FCHSD2: variants seen among roughly 807,000 people sequenced by gnomAD.
FCHSD2 encodes F-BAR and double SH3 domains protein 2.
FCHSD2 carries 38 observed loss-of-function variants against 108.1 expected under a neutral mutation model. The ratio of observed to expected loss-of-function variants is 0.35; its 90% CI spans 0.27 to 0.46. The LOEUF (loss-of-function observed/expected upper bound fraction) is 0.46, where lower values mean the gene tolerates loss of function less well. Ranked by LOEUF, FCHSD2 falls within the 20% of genes least tolerant of loss-of-function variation. The probability of loss-of-function intolerance (pLI) is 1.00; values close to 1 mark genes in which losing one functional copy is unlikely to be tolerated. For synonymous variants in FCHSD2, 279 were observed against 314.7 expected, an observed-to-expected ratio of 0.89 and a Z score of 1.20; for missense variants, 751 against 897.8, an observed-to-expected ratio of 0.84 and a Z score of 2.09.
chr11:72,884,231 T>C (rs1483059635), intron 12 of FCHSD2, among the ~76,000 whole-genome samples: 1 of 152,108 alleles, frequency 6.6e-6, no homozygotes, highest in Non-Finnish European at 1.5e-5. Flanking sequence ...TAACTTCCAT[T>C]TTATACAACA....
At chr11:73,044,846 G>A (rs1219232148) in intron 3 of FCHSD2, among the ~76,000 whole-genome samples, 2 of 152,112 alleles carry the variant, frequency 1.3e-5, no homozygotes, top group Non-Finnish European at 2.9e-5. Flanking sequence ...CGAGGCAGGT[G>A]GATCACGAGG....
At chr11:72,881,994 A>T (rs909403239) in intron 12 of FCHSD2, among the ~76,000 whole-genome samples, 1 of 151,890 alleles carries the variant, frequency 6.6e-6, no homozygotes. Context: ...ACAAAAACAA[A>T]ATTAGCTGGG....
Position 73,141,956 on chromosome 11 carries a change from G to C in FCHSD2, c.-79C>G. ...GGAGGAGGAGGGCCGGAGAGGAGGG[G>C]ACGGCCCAGCGAGCGCGCGCGTGTG... On this transcript the variant is annotated 5_prime_UTR_variant, in exon 1 of 20. Coordinates refer to ENST00000409418, the MANE Select transcript of FCHSD2 (RefSeq NM_014824.3). 1 of 1,413,802 alleles carries C rather than the reference G, an allele frequency of 7.1e-7. No individual in the cohort carries two copies. Among genetic ancestry groups the C allele is most frequent in the Non-Finnish European group, 9.6e-7 (1 of 1,042,982 alleles). 87.6% of individuals were successfully genotyped at this position (1,413,802 alleles called of 1,614,324 possible).
intron 2 of FCHSD2, among the ~76,000 whole-genome samples, chr11:73,099,666 G>C (rs754086080): frequency 3.9e-5 from 6 of 152,210 alleles, no homozygotes; most frequent in Non-Finnish European, 7.3e-5. Flanking sequence ...GAGCAGTCAG[G>C]CGTTAGGCTT....
rs141870443 is a variant in FCHSD2 at position 72,883,111 on chromosome 11, A to G, written c.1146+4359T>C. ...ACTGGCTATCTGTATAGGAAAAAACAAAACAAAACAACAACAAAAAAACCA... is the reference window on the plus strand; with the variant it reads ...ACTGGCTATCTGTATAGGAAAAAACGAAACAAAACAACAACAAAAAAACCA... On this transcript the variant is annotated intron_variant, in intron 12 of 19. Transcript: ENST00000409418. 9.2e-3 allele frequency among the ~76,000 whole-genome samples: 1,396 copies of G among 152,332 alleles called. 21 individuals are homozygous for G. The highest frequency in any genetic ancestry group is 0.031 in the African/African-American group (1,271 of 41,582).
At chr11:73,021,625 G>A (rs1042513578) in intron 3 of FCHSD2, among the ~76,000 whole-genome samples, 4 of 151,724 alleles carry the variant, frequency 2.6e-5, no homozygotes, top group African/African-American at 9.7e-5. Context: ...TTAATACCTG[G>A]GTAACGAAAT....
intron 9 of FCHSD2, among the ~76,000 whole-genome samples, chr11:72,919,541 T>G (rs1374457358): frequency 1.3e-5 from 2 of 152,304 alleles, no homozygotes; most frequent in African/African-American, 4.8e-5. Flanking sequence ...GAGTCCAATT[T>G]CCTCCATATA....
chr11:72,984,299 T>C (rs1857271470), intron 7 of FCHSD2, 83 bp from the exon 8 acceptor site: 5 of 1,305,488 alleles, frequency 3.8e-6, no homozygotes, highest in Non-Finnish European at 5.5e-6. Flanking sequence ...TAGTTTGCAA[T>C]TAATGGCTCC....
At chr11:73,067,829 T>TCCATTTTC (rs1488271319) in intron 3 of FCHSD2, among the ~76,000 whole-genome samples, 5 of 152,214 alleles carry the variant, frequency 3.3e-5, no homozygotes, top group Non-Finnish European at 7.3e-5. Context: ...CTTTATGAGG[T>TCCATTTTC]ACCTGCATTA....
At chr11:73,083,529 C>T (rs1034543107) in intron 3 of FCHSD2, among the ~76,000 whole-genome samples, 166 bp downstream of exon 3, 4 of 146,304 alleles carry the variant, frequency 2.7e-5, no homozygotes, top group African/African-American at 1.0e-4. Flanking sequence ...AGCCTCGCAA[C>T]AAAGCGAGAC....
chr11:72,863,224 G>A (rs2135194888), intron 13 of FCHSD2, among the ~76,000 whole-genome samples: 1 of 152,110 alleles, frequency 6.6e-6, no homozygotes, highest in African/African-American at 2.4e-5. Flanking sequence ...ACTGTGGCAG[G>A]CCTGAATAAC....
intron 2 of FCHSD2, among the ~76,000 whole-genome samples, chr11:73,124,957 A>G (rs1860819814): frequency 1.3e-5 from 2 of 152,130 alleles, no homozygotes; most frequent in South Asian, 4.1e-4. Flanking sequence ...CAAGTCTATA[A>G]GTAAGAGCTA....
intron 2 of FCHSD2, among the ~76,000 whole-genome samples, chr11:73,121,269 C>T (rs76139598): frequency 0.01 from 1,563 of 152,110 alleles, 34 homozygotes; most frequent in African/African-American, 0.036. Context: ...CCAGAAGGAG[C>T]TCTGGTAAAT....
chr11:72,889,587 C>G (rs954229626), intron 11 of FCHSD2, among the ~76,000 whole-genome samples: 9 of 152,150 alleles, frequency 5.9e-5, no homozygotes, highest in Admixed American at 1.3e-4. Flanking sequence ...GTGGCATGTG[C>G]CTGTGGTCCC....
At chr11:72,951,052 C>T (rs1277941329) in intron 8 of FCHSD2, among the ~76,000 whole-genome samples, 3 of 152,214 alleles carry the variant, frequency 2.0e-5, no homozygotes, top group Non-Finnish European at 4.4e-5. Flanking sequence ...CAGGTTTAGC[C>T]AGGCCATGAG....
chr11:73,092,623 A>C (rs1305408715), intron 2 of FCHSD2, among the ~76,000 whole-genome samples: 1 of 152,182 alleles, frequency 6.6e-6, no homozygotes. Context: ...ATAGACAAAA[A>C]CTACATAATC....
At chr11:72,908,283 T>G (rs1565316604) in intron 9 of FCHSD2, among the ~76,000 whole-genome samples, 1 of 152,224 alleles carries the variant, frequency 6.6e-6, no homozygotes, top group African/African-American at 2.4e-5. Flanking sequence ...GTTCATCTGT[T>G]GATGGACACT....
At chr11:72,928,064 A>C (rs1274108577) in intron 8 of FCHSD2, among the ~76,000 whole-genome samples, 1 of 152,200 alleles carries the variant, frequency 6.6e-6, no homozygotes, top group East Asian at 1.9e-4. Context: ...ATGTGGTATA[A>C]TGTTAGTCTT....
intron 14 of FCHSD2, among the ~76,000 whole-genome samples, chr11:72,845,072 G>C (rs1861083162): frequency 6.6e-6 from 1 of 152,154 alleles, no homozygotes; most frequent in Non-Finnish European, 1.5e-5. Flanking sequence ...GTTAATGTAT[G>C]TGACAGCAAA....
Sources: allele counts gnomAD v4.1 joint callset (sites outside exome capture counted in the v4.1 genomes callset), GRCh38; gene constraint gnomAD v4.1.1; transcripts MANE v1.5; gene names NCBI Gene and HGNC (gene_info 2026-07-23, HGNC 2026-07-21).